IFFO2: variants seen among roughly 807,000 people sequenced by gnomAD.
IFFO2 encodes the protein intermediate filament family orphan 2.
Under a neutral mutation model 53.5 loss-of-function variants are expected in IFFO2, and 19 were observed. The ratio of observed to expected loss-of-function variants is 0.36; its 90% CI spans 0.25 to 0.52. The LOEUF is 0.52. Ranked by LOEUF, IFFO2 falls within the 20% of genes least tolerant of loss-of-function variation. The pLI is 0.94. For missense variants in IFFO2, 570 were observed against 727.4 expected, an observed-to-expected ratio of 0.78 and a Z score of 2.49; for synonymous variants, 303 against 313.6, an observed-to-expected ratio of 0.97 and a Z score of 0.36.
intron 1 of IFFO2, among the ~76,000 whole-genome samples, chr1:18,941,323 C>A (rs1304177843): frequency 6.6e-6 from 1 of 152,220 alleles, no homozygotes; most frequent in Admixed American, 6.5e-5. Context: ...CCCTGCAATC[C>A]CTTCCACCTC....
intron 1 of IFFO2, 85 bp downstream of exon 1, chr1:18,955,583 C>G (rs1936712893): frequency 6.8e-7 from 1 of 1,460,522 alleles, no homozygotes; most frequent in Non-Finnish European, 9.0e-7. Flanking sequence ...GCTGCCCGCC[C>G]GGCCCCCGTC....
intron 5 of IFFO2, among the ~76,000 whole-genome samples, chr1:18,913,992 C>T (rs1170026988): frequency 1.2e-4 from 18 of 152,210 alleles, no homozygotes; most frequent in South Asian, 4.2e-4. Context: ...CCACCACGCC[C>T]GGCTAATTTT....
At chr1:18,920,204 T>G (rs963433500) in intron 2 of IFFO2, among the ~76,000 whole-genome samples, 5 of 152,208 alleles carry the variant, frequency 3.3e-5, no homozygotes, top group Non-Finnish European at 5.9e-5. Flanking sequence ...GTTTTTCAAC[T>G]GTGGAAGGAG....
chr1:18,925,536 G>A (rs1936271537), intron 1 of IFFO2, among the ~76,000 whole-genome samples: 1 of 152,196 alleles, frequency 6.6e-6, no homozygotes, highest in Non-Finnish European at 1.5e-5. Context: ...CATCTCGGGA[G>A]GTCTCAGGCA....
At chr1:18,911,100 A>G (rs1000760808) in intron 7 of IFFO2, among the ~76,000 whole-genome samples, 1 of 152,154 alleles carries the variant, frequency 6.6e-6, no homozygotes, top group Non-Finnish European at 1.5e-5. Flanking sequence ...GTCACTCACT[A>G]TCACTCGAAT....
chr1:18,910,653 T>C (rs979084150), intron 7 of IFFO2, among the ~76,000 whole-genome samples, 181 bp from the exon 8 acceptor site: 3 of 152,160 alleles, frequency 2.0e-5, no homozygotes, highest in African/African-American at 7.2e-5. Flanking sequence ...TGCACATGGG[T>C]CCACTTCCCC....
intron 1 of IFFO2, among the ~76,000 whole-genome samples, chr1:18,922,180 C>A (rs539849502): frequency 6.6e-6 from 1 of 152,144 alleles, no homozygotes; most frequent in Admixed American, 6.5e-5. Flanking sequence ...AATCCCCTTG[C>A]GGAGCTCCTC....
rs543234461 is a variant in IFFO2, at chr1:18,928,238, G to A, written c.666-7117C>T. Among the ~76,000 whole-genome samples the A allele has an allele frequency of 2.6e-5, 4 of 152,198 alleles. No homozygotes were observed. Among genetic ancestry groups the A allele is most frequent in the Admixed American group, 6.5e-5 (1 of 15,292 alleles). ...CTGGCACCACCTCTTGTGGCCTCCC[G>A]GCTCCCATCTCCATGGAGCCCCTGA... On this transcript the variant is annotated intron_variant, in intron 1 of 8. Transcript: ENST00000455833. This position sits in a 1 kb window ranked among gnomAD's most constrained non-coding sequence, Gnocchi z 4.9.
chr1:18,915,073 C>A (rs537671324), intron 5 of IFFO2, among the ~76,000 whole-genome samples: 1 of 152,270 alleles, frequency 6.6e-6, no homozygotes, highest in East Asian at 1.9e-4. Flanking sequence ...AAAAGTCAGC[C>A]TAGAATAGGG....
In IFFO2 at chr1:18,905,371, T is replaced by A. The variant is rs1222021380; in HGVS notation, c.*3190A>T. The A allele has an allele frequency of 6.6e-6, 1 of 152,194 alleles. No homozygotes were observed. Among genetic ancestry groups the A allele is most frequent in the Non-Finnish European group, 1.5e-5 (1 of 68,026 alleles). The allele number at this position is 152,194 out of a possible 1,614,324, so 9.4% of individuals were successfully genotyped here. On this transcript the variant is annotated 3_prime_UTR_variant, in exon 9 of 9. Transcript: ENST00000455833. ...GCACCATGTCTCGTCCACAGGAAAA[T>A]GCTGGGCTACCACAACTGCCTACCC...
intron 1 of IFFO2, among the ~76,000 whole-genome samples, chr1:18,927,824 G>A (rs549548578): frequency 6.6e-6 from 1 of 152,344 alleles, no homozygotes; most frequent in African/African-American, 2.4e-5. Context: ...AGGGCTGCGT[G>A]CCCCCAACAG....
intron 1 of IFFO2, among the ~76,000 whole-genome samples, chr1:18,941,985 C>G (rs983961395): frequency 6.6e-6 from 1 of 152,336 alleles, no homozygotes; most frequent in East Asian, 1.9e-4. Context: ...ACAGTCTGCT[C>G]GAGAAGAGAG....
chr1:18,953,143 C>G (rs1042953853), intron 1 of IFFO2, among the ~76,000 whole-genome samples: 1 of 152,136 alleles, frequency 6.6e-6, no homozygotes, highest in East Asian at 1.9e-4. Context: ...ATTTAAAGCC[C>G]TTCATGGCCA....
intron 1 of IFFO2, among the ~76,000 whole-genome samples, chr1:18,934,086 A>ATTT (rs1936415274): frequency 7.5e-5 from 1 of 13,402 alleles, no homozygotes; most frequent in Non-Finnish European, 1.0e-4. Flanking sequence ...TTTTTTTTTG[A>ATTT]GACAGCGTCT....
rs978261024 is a variant in IFFO2, at chr1:18,919,198, G to A, written c.822+480C>T. Among the ~76,000 whole-genome samples the A allele has an allele frequency of 6.6e-6, 1 of 152,184 alleles. No individual in the cohort carries two copies. The highest frequency in any genetic ancestry group is 2.4e-5 in the African/African-American group (1 of 41,446). On this transcript the variant is annotated intron_variant, in intron 3 of 8. Coordinates refer to ENST00000455833, the MANE Select transcript of IFFO2 (RefSeq NM_001136265.2). This position sits in a 1 kb window ranked among gnomAD's most constrained non-coding sequence, Gnocchi z 4.9. ...CTCCCCCCACCCACAGATACTTAGA[G>A]GGGCCCCAGATTGTCAAAAAGACAC...
intron 2 of IFFO2, among the ~76,000 whole-genome samples, chr1:18,920,799 C>T (rs1239359429): frequency 6.6e-6 from 1 of 152,238 alleles, no homozygotes; most frequent in East Asian, 1.9e-4. Context: ...GCAGCTGGGA[C>T]TTGCACCCCG....
At chr1:18,924,179 G>A (rs952788452) in intron 1 of IFFO2, among the ~76,000 whole-genome samples, 16 of 152,208 alleles carry the variant, frequency 1.1e-4, no homozygotes, top group Non-Finnish European at 1.6e-4. Context: ...ATGCAGAAAA[G>A]CTCTGTCCTT....
At position 18,928,396 on chromosome 1, in the gene IFFO2, G is replaced by A. The variant is rs115601035; in HGVS notation, c.666-7275C>T. Among the ~76,000 whole-genome samples the A allele has an allele frequency of 2.6e-5, 4 of 152,308 alleles. No individual in the cohort carries two copies. The highest frequency in any genetic ancestry group is 9.6e-5 in the African/African-American group (4 of 41,548). ...CACGGAGGAGGTATTAATTTAATGT[G>A]AACACTTAACCAGGGCAGCCGATTC... On this transcript the variant is annotated intron_variant, in intron 1 of 8. Coordinates refer to ENST00000455833, the MANE Select transcript of IFFO2 (RefSeq NM_001136265.2). This position sits in a 1 kb window ranked among gnomAD's most constrained non-coding sequence, Gnocchi z 4.9.
chr1:18,915,853 G>T (rs7546505), intron 5 of IFFO2, among the ~76,000 whole-genome samples: 3,978 of 152,250 alleles, frequency 0.026, 151 homozygotes, highest in African/African-American at 0.084. Context: ...GGCTAGGAAC[G>T]GTAGCTCATG....
Sources: allele counts gnomAD v4.1 joint callset (sites outside exome capture counted in the v4.1 genomes callset), GRCh38; gene constraint gnomAD v4.1.1; non-coding constraint Gnocchi (gnomAD v3.1); transcripts MANE v1.5; gene names NCBI Gene and HGNC (gene_info 2026-07-23, HGNC 2026-07-21).